The following MPPED2 variants were observed in gnomAD, a reference collection of about 807,000 sequenced individuals.
MPPED2 encodes the protein metallophosphoesterase MPPED2.
Under a neutral mutation model 33.0 loss-of-function variants are expected in MPPED2, and 5 were observed. The observed-to-expected ratio is 0.15, with a 90% confidence interval of 0.08 to 0.32. The LOEUF (loss-of-function observed/expected upper bound fraction) is 0.32, where lower values mean the gene tolerates loss of function less well. Among genes scored for constraint, MPPED2 ranks in the 10% least tolerant of loss-of-function variants. The pLI, the probability that MPPED2 is intolerant of heterozygous loss-of-function variation, is 1.00. For missense variants in MPPED2, 275 were observed against 372.1 expected (o/e 0.74, Z 2.15); for synonymous variants, 136 against 141.9 (o/e 0.96, Z 0.29).
Position 30,443,498 on chromosome 11 carries a change from G to C in MPPED2, c.537-25865C>G, listed in dbSNP as rs577128871. On this transcript the variant is annotated intron_variant, in intron 4 of 6. Coordinates refer to ENST00000358117, the MANE Select transcript of MPPED2 (RefSeq NM_001584.3). ...CTTTCTCATTGTAGGAGGGGAGGGA[G>C]AGAAAGAGAGAAGACGGGGCAGGGA... Among the ~76,000 whole-genome samples the C allele has an allele frequency of 4.6e-5, 7 of 152,238 alleles. No individual in the cohort carries two copies. In the East Asian group the frequency reaches 1.4e-3, roughly 29 times the overall value.
At chr11:30,388,987 G>C in intron 6 of MPPED2, 1 of 1,527,082 alleles carries the variant, frequency 6.5e-7, no homozygotes, top group South Asian at 1.2e-5. Flanking sequence ...GAGAGAGGGA[G>C]AGAGAGAGAG....
chr11:30,425,053 G>A (rs540013015), intron 4 of MPPED2, among the ~76,000 whole-genome samples: 1 of 152,224 alleles, frequency 6.6e-6, no homozygotes, highest in African/African-American at 2.4e-5. Context: ...TTGGTCTTTC[G>A]TTATGAGATC....
chr11:30,402,431 A>G (rs1947921565), intron 6 of MPPED2, among the ~76,000 whole-genome samples: 2 of 152,322 alleles, frequency 1.3e-5, no homozygotes, highest in Admixed American at 1.3e-4. Flanking sequence ...AAAGCCCATC[A>G]CAGACAGATT....
chr11:30,483,329 G>A (rs1423983990), intron 4 of MPPED2, among the ~76,000 whole-genome samples: 1 of 152,222 alleles, frequency 6.6e-6, no homozygotes, highest in Non-Finnish European at 1.5e-5. Context: ...AGCAACAGAA[G>A]CAGTAGCATC....
At chr11:30,402,396 G>T (rs150773002) in intron 6 of MPPED2, among the ~76,000 whole-genome samples, 4 of 152,254 alleles carry the variant, frequency 2.6e-5, no homozygotes, top group African/African-American at 7.2e-5. Context: ...CCTCACAAAA[G>T]TCTCTTATGT....
intron 4 of MPPED2, among the ~76,000 whole-genome samples, chr11:30,475,542 A>G (rs1262655320): frequency 6.6e-6 from 1 of 152,160 alleles, no homozygotes; most frequent in Non-Finnish European, 1.5e-5. Flanking sequence ...AAATGGAATC[A>G]CAGTAAATGT....
At chr11:30,536,937 T>C (rs997879061) in intron 2 of MPPED2, among the ~76,000 whole-genome samples, 1 of 152,196 alleles carries the variant, frequency 6.6e-6, no homozygotes, top group East Asian at 1.9e-4. Flanking sequence ...ATATTAAGCC[T>C]TTTAATGGGA....
At chr11:30,565,053 C>T (rs1406655789) in intron 2 of MPPED2, among the ~76,000 whole-genome samples, 1 of 151,954 alleles carries the variant, frequency 6.6e-6, no homozygotes, top group Admixed American at 6.6e-5. Context: ...GACTCAGCAC[C>T]AAAAAGAAAA....
chr11:30,433,249 C>T (rs566694003), intron 4 of MPPED2, among the ~76,000 whole-genome samples: 1 of 152,274 alleles, frequency 6.6e-6, no homozygotes, highest in South Asian at 2.1e-4. Flanking sequence ...ATAAAGTGAA[C>T]ATTACCATAG....
intron 4 of MPPED2, among the ~76,000 whole-genome samples, chr11:30,480,324 T>C (rs1254935604): frequency 1.3e-5 from 2 of 152,100 alleles, no homozygotes; most frequent in Non-Finnish European, 2.9e-5. Flanking sequence ...CCCTTCACAT[T>C]CTGACATTTT....
At chr11:30,492,377 G>T (rs543314657) in intron 4 of MPPED2, among the ~76,000 whole-genome samples, 22 of 152,262 alleles carry the variant, frequency 1.4e-4, no homozygotes, top group Non-Finnish European at 2.9e-4. Flanking sequence ...TCAGTCCAGG[G>T]ATTTCTGAAC....
At chr11:30,491,422 T>G (rs1951975792) in intron 4 of MPPED2, among the ~76,000 whole-genome samples, 1 of 152,190 alleles carries the variant, frequency 6.6e-6, no homozygotes. Context: ...GGGCTAAAAC[T>G]TATCTAATCT....
chr11:30,449,214 A>G (rs1224042407), intron 4 of MPPED2, among the ~76,000 whole-genome samples: 1 of 149,490 alleles, frequency 6.7e-6, no homozygotes, highest in Admixed American at 6.7e-5. Flanking sequence ...GCCCCTATGT[A>G]TAGCTAAAAA....
At chr11:30,469,931 C>T (rs1950877422) in intron 4 of MPPED2, among the ~76,000 whole-genome samples, 1 of 152,008 alleles carries the variant, frequency 6.6e-6, no homozygotes, top group Non-Finnish European at 1.5e-5. Context: ...TGGAAGGTAC[C>T]CAGAGAACTC....
chr11:30,432,162 C>T, intron 4 of MPPED2, among the ~76,000 whole-genome samples: 1 of 116,240 alleles, frequency 8.6e-6, no homozygotes, highest in South Asian at 3.5e-4. Flanking sequence ...GAGCAGGATT[C>T]TGTCTCAAAA....
chr11:30,510,307 G>T (rs1046756370), intron 3 of MPPED2, among the ~76,000 whole-genome samples: 4 of 152,108 alleles, frequency 2.6e-5, no homozygotes, highest in Non-Finnish European at 5.9e-5. Context: ...TCTAGCTACT[G>T]TTCTTCCAAG....
At chr11:30,488,945 C>T (rs1016710552) in intron 4 of MPPED2, among the ~76,000 whole-genome samples, 3 of 152,122 alleles carry the variant, frequency 2.0e-5, no homozygotes, top group African/African-American at 7.2e-5. Flanking sequence ...CTGAAAACGT[C>T]GTACAGAACC....
Position 30,582,336 on chromosome 11 carries a change from A to G in MPPED2, c.-121-1842T>C, listed in dbSNP as rs1957205577. ...TAGCCATCAAAGCACAGAGGGGGAA[A>G]AATTCACATTTTCAGACTGTGAGAA... On this transcript the variant is annotated intron_variant, in intron 1 of 6. Transcript: ENST00000358117. Among the ~76,000 whole-genome samples, 5 of 152,226 alleles carry G rather than the reference A, an allele frequency of 3.3e-5. No individual in the cohort carries two copies. In the South Asian group the frequency reaches 1.0e-3, roughly 31 times the overall value.
intron 3 of MPPED2, among the ~76,000 whole-genome samples, chr11:30,523,540 T>C (rs1325806937): frequency 3.3e-5 from 5 of 151,906 alleles, no homozygotes. Context: ...ATAAGGCGCC[T>C]TCAATTTCAT....
Sources: allele counts gnomAD v4.1 joint callset (sites outside exome capture counted in the v4.1 genomes callset), GRCh38; gene constraint gnomAD v4.1.1; transcripts MANE v1.5; gene names NCBI Gene and HGNC (gene_info 2026-07-23, HGNC 2026-07-21).